ATP10B: variants seen among roughly 807,000 people sequenced by gnomAD.
ATP10B encodes the protein ATPase phospholipid transporting 10B (putative).
ATP10B carries 122 observed loss-of-function variants against 141.2 expected under a neutral mutation model. The ratio of observed to expected loss-of-function variants is 0.86; its 90% CI spans 0.75 to 1.00. The LOEUF (loss-of-function observed/expected upper bound fraction) is 1.00. ATP10B is among the 50% of genes least tolerant of loss of function. The pLI is 0.00. For missense variants in ATP10B, 1,876 were observed against 1,825.3 expected (o/e 1.03, Z -0.51); for synonymous variants, 685 against 692.0 (o/e 0.99, Z 0.16).
intron 3 of ATP10B, among the ~76,000 whole-genome samples, chr5:160,697,440 G>A (rs1764434818): frequency 6.6e-6 from 1 of 152,188 alleles, no homozygotes; most frequent in South Asian, 2.1e-4. Context: ...TATGGAATCA[G>A]TTCTTATGAG....
At chr5:160,856,589 A>T (rs1399442255), upstream of ATP10B, among the ~76,000 whole-genome samples, 1 of 150,734 alleles carries the variant, frequency 6.6e-6, no homozygotes, top group Non-Finnish European at 1.5e-5. Flanking sequence ...TCTCAGTCTC[A>T]GGGGGAAAAT....
Position 160,706,333 on chromosome 5 carries a change from G to A in ATP10B, c.-205+10576C>T, listed in dbSNP as rs571714649. 1.4e-4 allele frequency among the ~76,000 whole-genome samples: 21 copies of A among 152,302 alleles called. No individual in the cohort carries two copies. The South Asian group carries it at 3.9e-3, about 29-fold the overall frequency. On this transcript the variant is annotated intron_variant, in intron 3 of 25. Transcript: ENST00000327245. ...GTAAAAAACACAGTATCTGTGAAGT[G>A]CAATAAAGGAAGTTCAATGAAGTGA...
intron 8 of ATP10B, among the ~76,000 whole-genome samples, chr5:160,647,302 C>T (rs991502616): frequency 1.3e-5 from 2 of 152,100 alleles, no homozygotes; most frequent in African/African-American, 4.8e-5. Flanking sequence ...TCTGTGGGTG[C>T]CAGGCCTGAG....
chr5:160,793,136 A>G (rs1285158952), intron 1 of ATP10B, among the ~76,000 whole-genome samples: 4 of 152,008 alleles, frequency 2.6e-5, no homozygotes, highest in Non-Finnish European at 4.4e-5. Context: ...CAAACCCATC[A>G]TTTTAGAAAA....
the ATP10B span, among the ~76,000 whole-genome samples, chr5:160,891,536 A>G: frequency 6.6e-6 from 1 of 152,132 alleles, no homozygotes; most frequent in Non-Finnish European, 1.5e-5. Flanking sequence ...ACTCACTGCA[A>G]TCTCCACCTC....
At chr5:160,737,481 G>A (rs752181235) in intron 2 of ATP10B, among the ~76,000 whole-genome samples, 9 of 152,062 alleles carry the variant, frequency 5.9e-5, no homozygotes, top group African/African-American at 1.9e-4. Context: ...TTGAAGATAT[G>A]ATCTTATATT....
At chr5:160,642,485 G>T (rs750582009) in intron 9 of ATP10B, among the ~76,000 whole-genome samples, 48 of 152,248 alleles carry the variant, frequency 3.2e-4, no homozygotes, top group Non-Finnish European at 6.5e-4. Flanking sequence ...ACTCCCCAGA[G>T]GACATTTGGC....
intron 1 of ATP10B, among the ~76,000 whole-genome samples, chr5:160,841,809 CT>C (rs1775825593): frequency 6.6e-6 from 1 of 152,194 alleles, no homozygotes; most frequent in Admixed American, 6.5e-5. Flanking sequence ...ACTGCAGCAT[CT>C]GCCTCCTGGG....
At chr5:160,707,722 C>T (rs1459997777) in intron 3 of ATP10B, among the ~76,000 whole-genome samples, 2 of 152,054 alleles carry the variant, frequency 1.3e-5, no homozygotes, top group Admixed American at 1.3e-4. Flanking sequence ...TAAGAATCTG[C>T]TATGACAAGA....
intron 1 of ATP10B, among the ~76,000 whole-genome samples, 159 bp downstream of exon 1, chr5:160,851,782 G>T (rs1294149414): frequency 6.6e-6 from 1 of 152,158 alleles, no homozygotes; most frequent in Non-Finnish European, 1.5e-5. Flanking sequence ...TGTTAGAAAA[G>T]AAATGTGGAT....
chr5:160,769,010 A>G (rs1027934565), intron 2 of ATP10B, among the ~76,000 whole-genome samples: 2 of 152,172 alleles, frequency 1.3e-5, no homozygotes, highest in Admixed American at 6.5e-5. Context: ...ATGGAAACAC[A>G]AGTACACACA....
the ATP10B span, among the ~76,000 whole-genome samples, chr5:160,928,496 G>A: frequency 1.3e-5 from 2 of 152,048 alleles, no homozygotes; most frequent in African/African-American, 4.8e-5. Flanking sequence ...TGGCCTCATC[G>A]ACTGAAGTCA....
intron 1 of ATP10B, among the ~76,000 whole-genome samples, chr5:160,795,022 T>C (rs1157783779): frequency 6.6e-6 from 1 of 152,196 alleles, no homozygotes; most frequent in African/African-American, 2.4e-5. Flanking sequence ...TAATATTTGT[T>C]GAATGAATAA....
the ATP10B span, among the ~76,000 whole-genome samples, chr5:160,863,927 C>G: frequency 6.6e-6 from 1 of 151,948 alleles, no homozygotes; most frequent in Non-Finnish European, 1.5e-5. Context: ...GGACCAATAA[C>G]AAGCACAGAG....
intron 24 of ATP10B, among the ~76,000 whole-genome samples, chr5:160,578,163 A>G (rs1362363264): frequency 6.6e-6 from 1 of 151,824 alleles, no homozygotes; most frequent in Non-Finnish European, 1.5e-5. Context: ...GTTTGCCATC[A>G]TTTTCTTTGC....
chr5:160,766,337 AACAC>A (rs58890049), intron 2 of ATP10B, among the ~76,000 whole-genome samples: 12,115 of 140,196 alleles, frequency 0.086, 540 homozygotes, highest in African/African-American at 0.11. Flanking sequence ...GGATAAAGAG[AACAC>A]ACACACACAC....
intron 24 of ATP10B, among the ~76,000 whole-genome samples, chr5:160,587,888 G>C (rs900340391): frequency 1.3e-5 from 2 of 152,204 alleles, no homozygotes; most frequent in Non-Finnish European, 2.9e-5. Context: ...GCCCAGGCTG[G>C]AGTGCAATGG....
intron 2 of ATP10B, among the ~76,000 whole-genome samples, chr5:160,726,944 T>G (rs1272046698): frequency 6.6e-6 from 1 of 150,652 alleles, no homozygotes; most frequent in East Asian, 2.0e-4. Context: ...CCCCCGGGGG[T>G]GGGGTGGGGG....
intron 6 of ATP10B, among the ~76,000 whole-genome samples, chr5:160,673,308 T>G (rs1191987870): frequency 6.6e-6 from 1 of 152,210 alleles, no homozygotes; most frequent in South Asian, 2.1e-4. Context: ...GCATAGTAGG[T>G]ATATATATTT....
Sources: allele counts gnomAD v4.1 joint callset (sites outside exome capture counted in the v4.1 genomes callset), GRCh38; gene constraint gnomAD v4.1.1; transcripts MANE v1.5; gene names NCBI Gene and HGNC (gene_info 2026-07-23, HGNC 2026-07-21).